The following CNGB3 variants were observed in gnomAD, a reference collection of about 807,000 sequenced individuals.
CNGB3 encodes the protein cyclic nucleotide-gated channel beta-3.
Under a neutral mutation model 92.8 loss-of-function variants are expected in CNGB3, and 86 were observed. That is an observed-to-expected ratio of 0.93 (90% CI 0.78 to 1.11). The LOEUF (loss-of-function observed/expected upper bound fraction) is 1.11, where lower values mean the gene tolerates loss of function less well. Among genes scored for constraint, CNGB3 ranks in the 50% least tolerant of loss-of-function variants. The probability of loss-of-function intolerance (pLI) is 0.00; values close to 1 mark genes in which losing one functional copy is unlikely to be tolerated. For missense variants in CNGB3, 1,026 were observed against 956.8 expected (o/e 1.07, Z -0.95); for synonymous variants, 333 against 332.7 (o/e 1.00, Z -0.01).
At chr8:86,640,887 G>A (rs771502248) in intron 10 of CNGB3, among the ~76,000 whole-genome samples, 4 of 151,992 alleles carry the variant, frequency 2.6e-5, no homozygotes, top group Non-Finnish European at 5.9e-5. Flanking sequence ...GAACCAGAGT[G>A]ACTCCCTCTT....
intron 13 of CNGB3, among the ~76,000 whole-genome samples, chr8:86,616,387 C>A (rs545512841): frequency 2.5e-4 from 38 of 151,984 alleles, no homozygotes; most frequent in Non-Finnish European, 5.0e-4. Flanking sequence ...GGATTTAGGC[C>A]TAGTGAAATA....
intron 6 of CNGB3, among the ~76,000 whole-genome samples, chr8:86,655,226 T>A (rs1245716433): frequency 6.6e-6 from 1 of 152,224 alleles, no homozygotes; most frequent in African/African-American, 2.4e-5. Flanking sequence ...CTGCCTTTAG[T>A]CTTGTTCCCC....
intron 15 of CNGB3, among the ~76,000 whole-genome samples, chr8:86,589,621 T>C (rs1821980603): frequency 6.6e-6 from 1 of 152,196 alleles, no homozygotes; most frequent in Non-Finnish European, 1.5e-5. Flanking sequence ...AGGAGCAGGT[T>C]GTTCAGTTTC....
intron 10 of CNGB3, among the ~76,000 whole-genome samples, chr8:86,638,447 G>A (rs182284168): frequency 1.3e-5 from 2 of 152,220 alleles, no homozygotes; most frequent in African/African-American, 2.4e-5. Context: ...TGGTAAATCT[G>A]TAGTGGGACA....
In CNGB3 at chr8:86,638,227, T is replaced by A. The variant is rs549657278; in HGVS notation, c.1179-5334A>T. On this transcript the variant is annotated intron_variant, in intron 10 of 17. Coordinates refer to ENST00000320005, the MANE Select transcript of CNGB3 (RefSeq NM_019098.5). ...TGTGAACATATATTTTCATTACTTTTGGGTAAAATACCTACATTGGAATTT... is the reference window on the plus strand; with the variant it reads ...TGTGAACATATATTTTCATTACTTTAGGGTAAAATACCTACATTGGAATTT... Among the ~76,000 whole-genome samples the A allele has an allele frequency of 3.9e-5, 6 of 152,290 alleles. No homozygotes were observed. The East Asian group carries it at 1.2e-3, about 29-fold the overall frequency.
intron 14 of CNGB3, among the ~76,000 whole-genome samples, chr8:86,606,957 A>C (rs1441248): frequency 0.91 from 138,275 of 152,252 alleles, 63,054 homozygotes; most frequent in African/African-American, 0.97. Context: ...AAAAATAAGG[A>C]AAGATATCTG....
At chr8:86,623,125 T>A (rs114846106) in intron 13 of CNGB3, among the ~76,000 whole-genome samples, 76 of 152,294 alleles carry the variant, frequency 5.0e-4, no homozygotes, top group African/African-American at 1.7e-3. Flanking sequence ...CTTCTTTCCA[T>A]ACTTACATCT....
intron 2 of CNGB3, among the ~76,000 whole-genome samples, chr8:86,737,757 C>G (rs1023554383): frequency 1.3e-5 from 2 of 152,082 alleles, no homozygotes; most frequent in African/African-American, 4.8e-5. Context: ...TCAAGTAGAT[C>G]CTGGTGTCTG....
intron 7 of CNGB3, among the ~76,000 whole-genome samples, chr8:86,652,824 A>C (rs1458275131): frequency 6.6e-6 from 1 of 152,130 alleles, no homozygotes; most frequent in Non-Finnish European, 1.5e-5. Context: ...CTTTTAAAAA[A>C]ATTCATAGGA....
chr8:86,580,897 G>A (rs906696049), intron 15 of CNGB3, among the ~76,000 whole-genome samples: 4 of 152,188 alleles, frequency 2.6e-5, no homozygotes, highest in Admixed American at 6.5e-5. Context: ...AGTTTCTACA[G>A]GTGGAGAAGA....
chr8:86,592,829 A>G (rs1229490823), intron 15 of CNGB3, among the ~76,000 whole-genome samples: 3 of 152,226 alleles, frequency 2.0e-5, no homozygotes, highest in South Asian at 2.1e-4. Context: ...TTTCGGAAAC[A>G]TGAGGTTAGA....
intron 2 of CNGB3, among the ~76,000 whole-genome samples, chr8:86,733,672 A>T (rs1333006518): frequency 6.6e-6 from 1 of 152,190 alleles, no homozygotes; most frequent in African/African-American, 2.4e-5. Flanking sequence ...TGTCAATCAA[A>T]CTGGTTGGTC....
chr8:86,675,601 AT>A (rs1409484064), intron 3 of CNGB3, among the ~76,000 whole-genome samples: 3 of 151,220 alleles, frequency 2.0e-5, no homozygotes, highest in Middle Eastern at 3.3e-3. Flanking sequence ...TTTTCTAGAG[AT>A]GGGGTCTTGC....
At chr8:86,696,585 G>A (rs1824454720) in intron 3 of CNGB3, among the ~76,000 whole-genome samples, 1 of 152,316 alleles carries the variant, frequency 6.6e-6, no homozygotes, top group Middle Eastern at 3.4e-3. Flanking sequence ...TCCAGTGGGA[G>A]CTGCGTGTTA....
intron 15 of CNGB3, among the ~76,000 whole-genome samples, chr8:86,599,268 G>A (rs1822239536): frequency 1.3e-5 from 2 of 152,166 alleles, no homozygotes; most frequent in Non-Finnish European, 2.9e-5. Flanking sequence ...GATTTCCTAT[G>A]CTTGTCTTTA....
At position 86,593,517 on chromosome 8, in the gene CNGB3, C is replaced by A. The variant is rs189456478; in HGVS notation, c.1781+10576G>T. Reference sequence around the variant, plus strand: ...ATCCCTTTATTTTCCTATGTAATGACCATATCACTTTGGTGAGCTAGGTGT... The same window carrying A: ...ATCCCTTTATTTTCCTATGTAATGAACATATCACTTTGGTGAGCTAGGTGT... On this transcript the variant is annotated intron_variant, in intron 15 of 17. Coordinates refer to ENST00000320005, the MANE Select transcript of CNGB3 (RefSeq NM_019098.5). 8.5e-5 allele frequency among the ~76,000 whole-genome samples: 13 copies of A among 152,194 alleles called. No homozygotes were observed. The East Asian group carries it at 2.5e-3, about 29-fold the overall frequency.
chr8:86,709,810 A>G lies in CNGB3; in HGVS notation c.338+16721T>C, dbSNP rs143272451. Among the ~76,000 whole-genome samples the G allele has an allele frequency of 3.5e-3, 528 of 152,296 alleles. 3 individuals carry two copies. The highest frequency in any genetic ancestry group is 0.012 in the African/African-American group (512 of 41,570). On this transcript the variant is annotated intron_variant, in intron 3 of 17. Transcript: ENST00000320005. ...AAAAATTCCTATATTTAAAACAAGAACAATATTTAAAGCTAAAACTATACT... is the reference window on the plus strand; with the variant it reads ...AAAAATTCCTATATTTAAAACAAGAGCAATATTTAAAGCTAAAACTATACT...
chr8:86,621,433 G>C (rs1822724556), intron 13 of CNGB3, among the ~76,000 whole-genome samples: 1 of 152,036 alleles, frequency 6.6e-6, no homozygotes, highest in Non-Finnish European at 1.5e-5. Flanking sequence ...GTATGAGGCA[G>C]TCTGCTATTT....
intron 6 of CNGB3, chr8:86,657,514 G>A (rs1386921353): frequency 3.9e-6 from 2 of 507,648 alleles, no homozygotes; most frequent in Non-Finnish European, 8.1e-6. Flanking sequence ...GCTGTGCAGT[G>A]GGATTGTCAT....
Sources: gnomAD v4.1 joint callset for allele counts (sites outside exome capture counted in the v4.1 genomes callset) on GRCh38, gnomAD v4.1.1 for gene constraint, MANE v1.5 for transcripts, NCBI Gene and HGNC (gene_info 2026-07-23, HGNC 2026-07-21) for gene names.